CHST11: variants seen among roughly 807,000 people sequenced by gnomAD.
The protein encoded by CHST11 is carbohydrate sulfotransferase 11.
A neutral mutation model predicts 30.4 loss-of-function variants in CHST11; 9 were observed. That is an observed-to-expected ratio of 0.30 (90% CI 0.18 to 0.52). The LOEUF is 0.52. Among genes scored for constraint, CHST11 ranks in the 20% least tolerant of loss-of-function variants. The pLI, the probability that CHST11 is intolerant of heterozygous loss-of-function variation, is 0.97. For synonymous variants in CHST11, 152 were observed against 187.8 expected, an observed-to-expected ratio of 0.81 and a Z score of 1.56; for missense variants, 348 against 460.6, an observed-to-expected ratio of 0.76 and a Z score of 2.24.
chr12:104,671,252 C>T (rs1024045953), intron 2 of CHST11, among the ~76,000 whole-genome samples: 1 of 152,170 alleles, frequency 6.6e-6, no homozygotes, highest in African/African-American at 2.4e-5. Flanking sequence ...TCTTGCTGCG[C>T]CCGTGATCCT....
intron 2 of CHST11, among the ~76,000 whole-genome samples, chr12:104,681,862 G>A (rs375403748): frequency 1.7e-5 from 2 of 116,098 alleles, no homozygotes; most frequent in East Asian, 2.6e-4. Context: ...ATGGAGTCTC[G>A]CTCTGTCGCC....
chr12:104,637,364 A>G (rs966760323), intron 2 of CHST11, among the ~76,000 whole-genome samples: 2 of 144,912 alleles, frequency 1.4e-5, no homozygotes, highest in Middle Eastern at 3.6e-3. Flanking sequence ...GAGGGATAGC[A>G]TTAGGAGATA....
chr12:104,757,052 C>A lies in CHST11; in HGVS notation c.308C>A (p.Thr103Asn). ...ACAAGCCGTAAGCGGAGGGTGCTGA[C>A]CCCCAACGACCTGAAGCACTTGGTG... is the stretch of plus-strand genomic sequence containing the variant. ...SATSRKRRVL[T>N]PNDLKHLVVD... The change falls in exon 3 of 3, where the codon ACC becomes AAC. Residue 103 changes from threonine to asparagine, a missense_variant. Around this residue, in one of 3 missense-constraint regions of CHST11, gnomAD observed 135 missense variants for 155.8 expected, o/e 0.87. Coordinates refer to ENST00000303694, the MANE Select transcript of CHST11 (RefSeq NM_018413.6). This position sits in a 1 kb window ranked among gnomAD's most constrained non-coding sequence, Gnocchi z 6.5. 6.2e-7 allele frequency: 1 copy of A among 1,614,092 alleles called. No individual in the cohort carries two copies. Among genetic ancestry groups the A allele is most frequent in the Non-Finnish European group, 8.5e-7 (1 of 1,180,044 alleles).
chr12:104,693,710 G>T (rs1245753566), intron 2 of CHST11, among the ~76,000 whole-genome samples: 1 of 152,180 alleles, frequency 6.6e-6, no homozygotes, highest in Admixed American at 6.5e-5. Flanking sequence ...AGGGCTTCCT[G>T]GAGGAGGCGA....
chr12:104,659,347 A>G (rs1422784367), intron 2 of CHST11, among the ~76,000 whole-genome samples: 2 of 152,176 alleles, frequency 1.3e-5, no homozygotes, highest in Non-Finnish European at 2.9e-5. Context: ...TAATTGCTCA[A>G]GACATATGAT....
intron 1 of CHST11, chr12:104,552,886 C>A (rs2038418382): frequency 1.3e-5 from 2 of 152,232 alleles, no homozygotes; most frequent in African/African-American, 4.8e-5. Context: ...GGATGCCTAG[C>A]ACATAGTAGG....
intron 1 of CHST11, among the ~76,000 whole-genome samples, chr12:104,504,172 G>A (rs935287224): frequency 2.6e-5 from 4 of 152,180 alleles, no homozygotes; most frequent in Non-Finnish European, 5.9e-5. Flanking sequence ...GGGGAGAGTT[G>A]GTGGCTGGGA....
intron 2 of CHST11, among the ~76,000 whole-genome samples, chr12:104,614,125 ATC>A (rs1566008562): frequency 6.6e-6 from 1 of 152,204 alleles, no homozygotes; most frequent in South Asian, 2.1e-4. Context: ...TTCACTATCT[ATC>A]TCTCTATCTA....
intron 2 of CHST11, chr12:104,602,346 A>G (rs1257187488): frequency 1.3e-4 from 41 of 308,130 alleles, no homozygotes; most frequent in South Asian, 7.6e-5. Context: ...AGAGTTGCAC[A>G]TGGGTACACT....
At chr12:104,751,199 C>G (rs2040429044) in intron 2 of CHST11, among the ~76,000 whole-genome samples, 1 of 152,202 alleles carries the variant, frequency 6.6e-6, no homozygotes, top group African/African-American at 2.4e-5. Flanking sequence ...CATGCTACCT[C>G]CCTGGGGATT....
At chr12:104,661,707 C>T (rs1184378100) in intron 2 of CHST11, among the ~76,000 whole-genome samples, 1 of 152,206 alleles carries the variant, frequency 6.6e-6, no homozygotes, top group Non-Finnish European at 1.5e-5. Flanking sequence ...CCTCCTGATA[C>T]ACAGCAGTAG....
At chr12:104,594,362 T>A (rs1189287192) in intron 1 of CHST11, among the ~76,000 whole-genome samples, 1 of 152,182 alleles carries the variant, frequency 6.6e-6, no homozygotes, top group Non-Finnish European at 1.5e-5. Context: ...AAATGAAATC[T>A]CACAGAGATA....
At chr12:104,513,190 T>C (rs1029885655) in intron 1 of CHST11, among the ~76,000 whole-genome samples, 8 of 148,436 alleles carry the variant, frequency 5.4e-5, no homozygotes, top group Non-Finnish European at 1.2e-4. Flanking sequence ...CTTCCTTGAC[T>C]TAGTGTTTGA....
At chr12:104,527,957 G>A (rs1053700278) in intron 1 of CHST11, among the ~76,000 whole-genome samples, 8 of 152,128 alleles carry the variant, frequency 5.3e-5, no homozygotes, top group Admixed American at 2.0e-4. Context: ...TCAGTATCAC[G>A]AGAACAGTAT....
intron 1 of CHST11, among the ~76,000 whole-genome samples, chr12:104,510,651 A>G (rs1247153858): frequency 6.6e-6 from 1 of 152,224 alleles, no homozygotes; most frequent in Non-Finnish European, 1.5e-5. Context: ...TTTGTACAGC[A>G]TGTCTTTCAT....
chr12:104,681,450 A>C (rs920527246), intron 2 of CHST11, among the ~76,000 whole-genome samples: 5 of 152,214 alleles, frequency 3.3e-5, no homozygotes, highest in African/African-American at 1.2e-4. Flanking sequence ...CATAGACAGA[A>C]TCTTTTGGGG....
intron 1 of CHST11, among the ~76,000 whole-genome samples, chr12:104,578,689 T>A (rs2038709382): frequency 6.6e-6 from 1 of 152,194 alleles, no homozygotes. Flanking sequence ...GTGATTCACA[T>A]GTAAGCCATG....
chr12:104,469,417 C>G (rs2037486873), intron 1 of CHST11, among the ~76,000 whole-genome samples: 1 of 152,178 alleles, frequency 6.6e-6, no homozygotes, highest in South Asian at 2.1e-4. Flanking sequence ...ACTAGTGACA[C>G]TTGGGAAATA....
intron 2 of CHST11, among the ~76,000 whole-genome samples, chr12:104,662,975 G>T (rs536632928): frequency 1.5e-3 from 225 of 152,376 alleles, no homozygotes; most frequent in African/African-American, 5.1e-3. Context: ...GCCCACTCAG[G>T]TGCCACTAAT....
Sources: allele counts gnomAD v4.1 joint callset (sites outside exome capture counted in the v4.1 genomes callset), GRCh38; gene constraint gnomAD v4.1.1; regional missense constraint gnomAD v4.1.1; non-coding constraint Gnocchi (gnomAD v3.1); transcripts MANE v1.5; gene names NCBI Gene and HGNC (gene_info 2026-07-23, HGNC 2026-07-21).